The following RABGAP1L variants were observed in gnomAD, a reference collection of about 807,000 sequenced individuals.
The protein encoded by RABGAP1L is rab GTPase-activating protein 1-like.
A neutral mutation model predicts 137.7 loss-of-function variants in RABGAP1L; 63 were observed. The ratio of observed to expected loss-of-function variants is 0.46; its 90% CI spans 0.37 to 0.56. The LOEUF is 0.56. Ranked by LOEUF, RABGAP1L falls within the 20% of genes least tolerant of loss-of-function variation. The probability of loss-of-function intolerance (pLI) is 0.00; values close to 1 mark genes in which losing one functional copy is unlikely to be tolerated. For missense variants in RABGAP1L, 1,095 were observed against 1,244.0 expected, an observed-to-expected ratio of 0.88 and a Z score of 1.80; for synonymous variants, 431 against 433.7, an observed-to-expected ratio of 0.99 and a Z score of 0.08.
intron 11 of RABGAP1L, among the ~76,000 whole-genome samples, chr1:174,362,218 A>G (rs1684210174): frequency 1.3e-5 from 2 of 152,100 alleles, no homozygotes; most frequent in South Asian, 2.1e-4. Flanking sequence ...TGTCTTTGCT[A>G]TTGTGAATCG....
intron 7 of RABGAP1L, 50 bp downstream of exon 7, chr1:174,252,640 A>G (rs1396423463): frequency 6.3e-7 from 1 of 1,586,114 alleles, no homozygotes. Flanking sequence ...TGACATTGTT[A>G]CTGTCTCAGA....
At chr1:174,254,022 G>A (rs1200117482) in intron 7 of RABGAP1L, among the ~76,000 whole-genome samples, 3 of 151,986 alleles carry the variant, frequency 2.0e-5, no homozygotes, top group Non-Finnish European at 4.4e-5. Flanking sequence ...CAATTGAGGC[G>A]CTGGCTGATG....
rs528001065 is a variant in RABGAP1L, at chr1:174,858,857, A to C, written c.2340+46897A>C. Among the ~76,000 whole-genome samples the C allele has an allele frequency of 2.0e-5, 3 of 152,366 alleles. No homozygotes were observed. The South Asian group carries it at 6.2e-4, about 32-fold the overall frequency. On this transcript the variant is annotated intron_variant, in intron 19 of 25. Coordinates refer to ENST00000681986, the MANE Select transcript of RABGAP1L (RefSeq NM_001366446.1). ...CTCATCTGAGCAGGTTTAAAGATCA[A>C]ATAATCTTTGAAAAATAACAATTCT... is the stretch of plus-strand genomic sequence containing the variant.
At chr1:174,962,207 A>G (rs12070453) in intron 20 of RABGAP1L, among the ~76,000 whole-genome samples, 1 of 79,764 alleles carries the variant, frequency 1.3e-5, no homozygotes, top group Non-Finnish European at 2.3e-5. Context: ...CCCCCCCCCC[A>G]CACACACACA....
intron 4 of RABGAP1L, among the ~76,000 whole-genome samples, chr1:174,231,727 A>G (rs1010904999): frequency 6.6e-6 from 1 of 152,156 alleles, no homozygotes; most frequent in African/African-American, 2.4e-5. Context: ...AAGGGGAAGC[A>G]GAATTGTCTT....
intron 19 of RABGAP1L, among the ~76,000 whole-genome samples, chr1:174,881,646 C>T (rs184296267): frequency 6.6e-5 from 10 of 151,862 alleles, no homozygotes; most frequent in Non-Finnish European, 1.5e-4. Context: ...ATTGCAGGTG[C>T]TAGCCACCAT....
chr1:174,593,157 T>G (rs1669726898), intron 13 of RABGAP1L, among the ~76,000 whole-genome samples: 1 of 75,572 alleles, frequency 1.3e-5, no homozygotes, highest in African/African-American at 8.5e-5. Context: ...GTTTGTAGTA[T>G]TCTCTGATGG....
intron 13 of RABGAP1L, among the ~76,000 whole-genome samples, chr1:174,625,903 A>G (rs1342518371): frequency 6.6e-6 from 1 of 152,218 alleles, no homozygotes; most frequent in Admixed American, 6.5e-5. Context: ...TACAGTGGAT[A>G]ATAAACATGG....
chr1:174,486,635 C>T (rs956010949), intron 13 of RABGAP1L, among the ~76,000 whole-genome samples: 6 of 151,962 alleles, frequency 3.9e-5, no homozygotes, highest in East Asian at 1.9e-4. Flanking sequence ...CATGAGCTAC[C>T]GCGCCCGGCC....
At chr1:174,631,055 G>C (rs376066876) in intron 13 of RABGAP1L, among the ~76,000 whole-genome samples, 6 of 129,960 alleles carry the variant, frequency 4.6e-5, no homozygotes, top group African/African-American at 1.5e-4. Context: ...CCTCTACACA[G>C]TGCTTTGAAT....
chr1:174,648,898 T>C (rs1675215923), intron 14 of RABGAP1L, among the ~76,000 whole-genome samples: 1 of 152,154 alleles, frequency 6.6e-6, no homozygotes, highest in South Asian at 2.1e-4. Flanking sequence ...GTTGGGTGCA[T>C]ATATATTTAG....
chr1:174,383,321 G>A (rs1282233526), intron 12 of RABGAP1L, among the ~76,000 whole-genome samples: 3 of 148,136 alleles, frequency 2.0e-5, no homozygotes, highest in East Asian at 2.0e-4. Context: ...GCTCCACCCA[G>A]TTCGAGCTTC....
At chr1:174,934,742 G>T (rs1664460351) in intron 19 of RABGAP1L, among the ~76,000 whole-genome samples, 1 of 152,142 alleles carries the variant, frequency 6.6e-6, no homozygotes, top group South Asian at 2.1e-4. Flanking sequence ...AGTAAACTGA[G>T]ATAATACCAC....
At chr1:174,266,049 T>C (rs1158071474) in intron 7 of RABGAP1L, among the ~76,000 whole-genome samples, 3 of 152,176 alleles carry the variant, frequency 2.0e-5, no homozygotes, top group Non-Finnish European at 2.9e-5. Context: ...AGAGACTCCT[T>C]CTTCCTATTA....
At chr1:174,300,458 G>A (rs1454556074) in intron 10 of RABGAP1L, among the ~76,000 whole-genome samples, 9 of 150,522 alleles carry the variant, frequency 6.0e-5, no homozygotes, top group African/African-American at 2.0e-4. Context: ...TCGGTGGTGG[G>A]GTGGAGGTTG....
chr1:174,708,340 T>C (rs1360158321), intron 17 of RABGAP1L, among the ~76,000 whole-genome samples: 1 of 152,078 alleles, frequency 6.6e-6, no homozygotes, highest in African/African-American at 2.4e-5. Flanking sequence ...GACTCTGACA[T>C]AGGGGAGCTG....
At chr1:174,498,818 A>G (rs981093068) in intron 13 of RABGAP1L, among the ~76,000 whole-genome samples, 3 of 152,014 alleles carry the variant, frequency 2.0e-5, no homozygotes, top group Admixed American at 1.3e-4. Flanking sequence ...GCCTGAAACA[A>G]AATTTTAATT....
chr1:174,931,149 G>C lies in RABGAP1L; in HGVS notation c.2341-26308G>C, dbSNP rs143065185. ...TTTTCAGGGTATTTTACAATATACT[G>C]TGGGTGATGGGAATGAATATGTGTC... On this transcript the variant is annotated intron_variant, in intron 19 of 25. Coordinates refer to ENST00000681986, the MANE Select transcript of RABGAP1L (RefSeq NM_001366446.1). 5.6e-4 allele frequency among the ~76,000 whole-genome samples: 86 copies of C among 152,252 alleles called. 2 individuals are homozygous for C. The East Asian group carries it at 0.014, about 25-fold the overall frequency.
chr1:174,567,156 C>G lies in RABGAP1L; in HGVS notation c.1711-70219C>G, dbSNP rs1020442364. On this transcript the variant is annotated intron_variant, in intron 13 of 25. Transcript: ENST00000681986. ...TCATTATCCCCAACAAAAACTATGC[C>G]CATTAAACAATAACTCCCACCCTTC... Among the ~76,000 whole-genome samples the G allele has an allele frequency of 2.6e-5, 4 of 152,156 alleles. No individual in the cohort carries two copies. The South Asian group carries it at 8.3e-4, about 32-fold the overall frequency.
Sources: allele counts gnomAD v4.1 joint callset (sites outside exome capture counted in the v4.1 genomes callset), GRCh38; gene constraint gnomAD v4.1.1; transcripts MANE v1.5; gene names NCBI Gene and HGNC (gene_info 2026-07-23, HGNC 2026-07-21).